The following CNTNAP5 variants were observed in gnomAD, a reference collection of about 807,000 sequenced individuals.
CNTNAP5 encodes the protein contactin associated protein family member 5, also known as contactin-associated protein-like 5.
Under a neutral mutation model 150.2 loss-of-function variants are expected in CNTNAP5, and 72 were observed. The ratio of observed to expected loss-of-function variants is 0.48; its 90% CI spans 0.40 to 0.58. The LOEUF is 0.58. Among genes scored for constraint, CNTNAP5 ranks in the 20% least tolerant of loss-of-function variants. The pLI, the probability that CNTNAP5 is intolerant of heterozygous loss-of-function variation, is 0.00. For synonymous variants in CNTNAP5, 672 were observed against 619.8 expected, an observed-to-expected ratio of 1.08 and a Z score of -1.25; for missense variants, 1,636 against 1,626.2, an observed-to-expected ratio of 1.01 and a Z score of -0.10.
intron 3 of CNTNAP5, among the ~76,000 whole-genome samples, chr2:124,302,474 T>G (rs1391782404): frequency 6.6e-6 from 1 of 152,146 alleles, no homozygotes; most frequent in Non-Finnish European, 1.5e-5. Context: ...TTGTGATGCA[T>G]CATCCCATGG....
At chr2:124,180,215 C>T (rs886625466) in intron 1 of CNTNAP5, among the ~76,000 whole-genome samples, 2 of 152,142 alleles carry the variant, frequency 1.3e-5, no homozygotes, top group African/African-American at 4.8e-5. Flanking sequence ...ACTTCCATCA[C>T]AGAAAATCAA....
intron 1 of CNTNAP5, among the ~76,000 whole-genome samples, chr2:124,213,648 T>G (rs1686079260): frequency 1.3e-5 from 2 of 152,170 alleles, no homozygotes; most frequent in South Asian, 4.1e-4. Context: ...TTACCAACAT[T>G]TGTTGCATTA....
chr2:124,813,538 G>A (rs1318134915), intron 19 of CNTNAP5, among the ~76,000 whole-genome samples: 1 of 147,462 alleles, frequency 6.8e-6, no homozygotes, highest in Non-Finnish European at 1.5e-5. Flanking sequence ...TAAAAGAATT[G>A]TCTCAATTAC....
chr2:124,118,085 A>T (rs1026356061), intron 1 of CNTNAP5, among the ~76,000 whole-genome samples: 1 of 152,138 alleles, frequency 6.6e-6, no homozygotes, highest in East Asian at 1.9e-4. Context: ...ATTTTTTTTT[A>T]AATGACACTA....
chr2:124,329,136 A>G (rs2104678050), intron 3 of CNTNAP5, among the ~76,000 whole-genome samples: 1 of 152,322 alleles, frequency 6.6e-6, no homozygotes, highest in African/African-American at 2.4e-5. Flanking sequence ...CAAAGACAAG[A>G]CAGTAGCTTG....
chr2:124,683,322 A>G (rs996654409), intron 13 of CNTNAP5, among the ~76,000 whole-genome samples: 14 of 152,230 alleles, frequency 9.2e-5, no homozygotes, highest in African/African-American at 3.1e-4. Context: ...GAAACAAGCC[A>G]GTGGTAAGAA....
rs1840199 is a variant in CNTNAP5, at chr2:124,889,115, G to C, written c.3437-13767G>C. ...TTTTTTTTTTTTTTTTTGAGAGAAA[G>C]AATCTCGCTTTGTCACCCAGGCACC... On this transcript the variant is annotated intron_variant, in intron 21 of 23. Coordinates refer to ENST00000682447, the MANE Select transcript of CNTNAP5 (RefSeq NM_001367498.1). 3.3e-5 allele frequency among the ~76,000 whole-genome samples: 3 copies of C among 91,662 alleles called. No homozygotes were observed. In the Admixed American group the frequency reaches 5.1e-4, roughly 16 times the overall value. 60.1% of individuals were successfully genotyped at this position (91,662 alleles called of 152,430 possible).
At position 124,707,123 on chromosome 2, in the gene CNTNAP5, AAAGAAGAAGAAGAAGAGGAAGAAGAAG is replaced by A. The variant is rs1679693477; in HGVS notation, c.2078-40089_2078-40063del. Among the ~76,000 whole-genome samples, 53 of 73,200 alleles carry A rather than the reference AAAGAAGAAGAAGAAGAGGAAGAAGAAG, an allele frequency of 7.2e-4. 5 individuals are homozygous for A. Among genetic ancestry groups the A allele is most frequent in the African/African-American group, 2.8e-3 (51 of 18,246 alleles). The allele number at this position is 73,200 out of a possible 152,430, so 48.0% of individuals were successfully genotyped here. On this transcript the variant is annotated intron_variant, in intron 13 of 23. Coordinates refer to ENST00000682447, the MANE Select transcript of CNTNAP5 (RefSeq NM_001367498.1). The stretch of plus-strand genomic sequence containing the variant: ...GAGGAAGAAGAAGAGGAAGAAGAAG[AAAGAAGAAGAAGAAGAGGAAGAAGAAG>A]AAGAAGAAGAAGAAGAAGAAGAAGA...
intron 1 of CNTNAP5, among the ~76,000 whole-genome samples, chr2:124,198,330 A>G (rs1035410276): frequency 2.6e-5 from 4 of 152,056 alleles, no homozygotes; most frequent in African/African-American, 9.7e-5. Context: ...TTATCTTTCA[A>G]TCTGTGGCCT....
chr2:124,527,833 G>A (rs1023986937), intron 10 of CNTNAP5, among the ~76,000 whole-genome samples: 1 of 152,060 alleles, frequency 6.6e-6, no homozygotes, highest in Non-Finnish European at 1.5e-5. Flanking sequence ...TTCTAACACA[G>A]GCAGATGAGC....
intron 3 of CNTNAP5, among the ~76,000 whole-genome samples, chr2:124,349,864 C>CTGGCTATT (rs1193765568): frequency 1.4e-4 from 15 of 108,594 alleles, no homozygotes; most frequent in Non-Finnish European, 2.0e-4. Context: ...GAAATGACTT[C>CTGGCTATT]TGGCTATTTC....
intron 8 of CNTNAP5, among the ~76,000 whole-genome samples, chr2:124,522,920 T>G (rs1368829568): frequency 6.6e-6 from 1 of 152,262 alleles, no homozygotes; most frequent in Non-Finnish European, 1.5e-5. Flanking sequence ...AGTTAGGCTT[T>G]CTTTCTTCTC....
At chr2:124,383,350 T>C (rs113786329) in intron 3 of CNTNAP5, among the ~76,000 whole-genome samples, 126 of 152,310 alleles carry the variant, frequency 8.3e-4, no homozygotes, top group African/African-American at 2.6e-3. Flanking sequence ...GGCCCAGCTA[T>C]ATCATTTGCT....
chr2:124,674,509 CTCTTTCTTTCTT>C lies in CNTNAP5; in HGVS notation c.2077+26584_2077+26595del, dbSNP rs768888927. On this transcript the variant is annotated intron_variant, in intron 13 of 23. Coordinates refer to ENST00000682447, the MANE Select transcript of CNTNAP5 (RefSeq NM_001367498.1). ...CCCTCTCTACTTCCTTTCTTTCTTT[CTCTTTCTTTCTT>C]TCTTTCTTTCTTTCTTTCTTTCTTT... Among the ~76,000 whole-genome samples, 641 of 115,436 alleles carry C rather than the reference CTCTTTCTTTCTT, an allele frequency of 5.6e-3. 8 individuals are homozygous for C. Among genetic ancestry groups the C allele is most frequent in the African/African-American group, 0.012 (372 of 31,976 alleles). The allele number at this position is 115,436 out of a possible 152,430, so 75.7% of individuals were successfully genotyped here.
chr2:124,581,169 C>T (rs1696401828), intron 11 of CNTNAP5, among the ~76,000 whole-genome samples: 1 of 152,166 alleles, frequency 6.6e-6, no homozygotes, highest in Non-Finnish European at 1.5e-5. Context: ...GTCACTAACC[C>T]TTGGAGAGAG....
chr2:124,543,164 C>G (rs1695428864), intron 10 of CNTNAP5, among the ~76,000 whole-genome samples: 1 of 152,186 alleles, frequency 6.6e-6, no homozygotes, highest in Non-Finnish European at 1.5e-5. Context: ...TCTGTAAGCA[C>G]TAGCTAGCAA....
At chr2:124,101,786 C>A (rs937369406) in intron 1 of CNTNAP5, among the ~76,000 whole-genome samples, 1 of 152,236 alleles carries the variant, frequency 6.6e-6, no homozygotes, top group African/African-American at 2.4e-5. Context: ...ACAGAGACTG[C>A]AATTCAATGT....
At chr2:124,575,257 G>T (rs189362686) in intron 11 of CNTNAP5, among the ~76,000 whole-genome samples, 235 of 152,254 alleles carry the variant, frequency 1.5e-3, no homozygotes, top group African/African-American at 5.1e-3. Flanking sequence ...TCTAGACAAG[G>T]TCAGTTGTTA....
intron 10 of CNTNAP5, among the ~76,000 whole-genome samples, chr2:124,544,820 C>T (rs1414580570): frequency 6.6e-6 from 1 of 152,116 alleles, no homozygotes; most frequent in Non-Finnish European, 1.5e-5. Context: ...TGGGTTTGGG[C>T]CTTCAAATTC....
Sources: allele counts gnomAD v4.1 joint callset (sites outside exome capture counted in the v4.1 genomes callset), GRCh38; gene constraint gnomAD v4.1.1; transcripts MANE v1.5; gene names NCBI Gene and HGNC (gene_info 2026-07-23, HGNC 2026-07-21).